The following DMRT1 variants were observed in gnomAD, a reference collection of about 807,000 sequenced individuals.
The protein encoded by DMRT1 is doublesex- and mab-3-related transcription factor 1.
Under a neutral mutation model 32.3 loss-of-function variants are expected in DMRT1, and 7 were observed. The observed-to-expected ratio is 0.22, with a 90% confidence interval of 0.12 to 0.41. The LOEUF is 0.41. Among genes scored for constraint, DMRT1 ranks in the 10% least tolerant of loss-of-function variants. DMRT1 has a pLI of 1.00. For synonymous variants in DMRT1, 278 were observed against 206.1 expected, an observed-to-expected ratio of 1.35 and a Z score of -2.99; for missense variants, 625 against 500.5, an observed-to-expected ratio of 1.25 and a Z score of -2.37.
intron 4 of DMRT1, among the ~76,000 whole-genome samples, chr9:923,152 A>G (rs565875746): frequency 1.6e-4 from 25 of 152,298 alleles, no homozygotes; most frequent in African/African-American, 5.8e-4. Context: ...TTAATGCTGC[A>G]TGTCAGACTT....
chr9:933,981 G>C (rs558270710), intron 4 of DMRT1, among the ~76,000 whole-genome samples: 1 of 150,956 alleles, frequency 6.6e-6, no homozygotes, highest in Non-Finnish European at 1.5e-5. Flanking sequence ...ACTGCTAACA[G>C]AATTAGTTGA....
chr9:861,176 T>G (rs1815647479), intron 2 of DMRT1, among the ~76,000 whole-genome samples: 1 of 150,816 alleles, frequency 6.6e-6, no homozygotes, highest in African/African-American at 2.4e-5. Context: ...TGAACAAAGG[T>G]CTCTGGTTTT....
chr9:885,351 A>C (rs1465059161), intron 2 of DMRT1, among the ~76,000 whole-genome samples: 2 of 152,190 alleles, frequency 1.3e-5, no homozygotes, highest in African/African-American at 4.8e-5. Context: ...ATGAGATCAC[A>C]TGTGGGCTTG....
At position 968,134 on chromosome 9, in the gene DMRT1, G is replaced by A. The variant is rs767168375; in HGVS notation, c.1117G>A (p.Glu373Lys). The change falls in exon 5 of 5, where the codon GAG (glutamate) becomes AAG (lysine). Residue 373 changes from glutamate to lysine, a missense_variant. By Grantham distance (56) the Glu-to-Lys change is moderately conservative. Transcript: ENST00000382276. The stretch of plus-strand genomic sequence containing the variant: ...AGTCACTCCCGTCATCGAGGAGGAC[G>A]AGTGAGCAGTGCCTGCTGCCGATGG... ...FTVTPVIEED[E>K] is the part of the protein sequence containing the mutation. The A allele has an allele frequency of 1.2e-6, 2 of 1,607,036 alleles. No individual in the cohort carries two copies. Among genetic ancestry groups the A allele is most frequent in the Admixed American group, 1.7e-5 (1 of 59,202 alleles).
intron 4 of DMRT1, among the ~76,000 whole-genome samples, chr9:960,682 G>A (rs1819743465): frequency 6.6e-6 from 1 of 152,196 alleles, no homozygotes; most frequent in African/African-American, 2.4e-5. Flanking sequence ...GGTACGAGCT[G>A]GGCTTGGCCC....
At position 847,032 on chromosome 9, in the gene DMRT1, G is replaced by A; in HGVS notation, c.427G>A (p.Ala143Thr). The A allele has an allele frequency of 6.2e-7, 1 of 1,614,120 alleles. No individual in the cohort carries two copies. Among genetic ancestry groups the A allele is most frequent in the Non-Finnish European group, 8.5e-7 (1 of 1,180,042 alleles). ...ISHPIPLPSA[A>T]ELLVKRENNG... is the part of the protein sequence containing the mutation. Reference sequence around the variant, plus strand: ...CCACCCCATCCCACTGCCCAGTGCGGCCGAGCTGCTTGTCAAAAGAGAGAA... The same window carrying A: ...CCACCCCATCCCACTGCCCAGTGCGACCGAGCTGCTTGTCAAAAGAGAGAA... Residue 143 changes from alanine to threonine, a missense_variant, in exon 2 of 5, where the codon GCC (alanine) becomes ACC (threonine). Physicochemically the swap from Ala to Thr is moderately conservative, Grantham distance 58. Transcript: ENST00000382276.
At chr9:879,277 G>A (rs1485809912) in intron 2 of DMRT1, among the ~76,000 whole-genome samples, 1 of 151,676 alleles carries the variant, frequency 6.6e-6, no homozygotes, top group Non-Finnish European at 1.5e-5. Context: ...ATACCATACT[G>A]GAAACTAAAA....
At chr9:962,649 G>A (rs1470899587) in intron 4 of DMRT1, among the ~76,000 whole-genome samples, 3 of 152,098 alleles carry the variant, frequency 2.0e-5, no homozygotes, top group South Asian at 2.1e-4. Flanking sequence ...GAGAAGGAAC[G>A]CCTGGCCGTG....
At chr9:907,266 C>T (rs930942882) in intron 3 of DMRT1, among the ~76,000 whole-genome samples, 3 of 152,146 alleles carry the variant, frequency 2.0e-5, no homozygotes, top group Non-Finnish European at 4.4e-5. Context: ...AACTCTGTTT[C>T]TTAGTTGCTT....
chr9:858,428 CT>C (rs1815497054), intron 2 of DMRT1, among the ~76,000 whole-genome samples: 1 of 152,136 alleles, frequency 6.6e-6, no homozygotes, highest in African/African-American at 2.4e-5. Flanking sequence ...TTCCTAGTTA[CT>C]TGGTGGTTTG....
chr9:890,085 GTTTTT>G (rs35228255), intron 2 of DMRT1, among the ~76,000 whole-genome samples: 2 of 103,002 alleles, frequency 1.9e-5, no homozygotes, highest in Admixed American at 1.3e-4. Flanking sequence ...CACCAAACGT[GTTTTT>G]TTTTTTTTTT....
chr9:888,458 C>T (rs1410587628), intron 2 of DMRT1, among the ~76,000 whole-genome samples: 1 of 152,132 alleles, frequency 6.6e-6, no homozygotes, highest in Non-Finnish European at 1.5e-5. Context: ...AGGCATGCAC[C>T]ACCATGCCCA....
At chr9:957,663 G>A (rs999567505) in intron 4 of DMRT1, among the ~76,000 whole-genome samples, 3 of 152,156 alleles carry the variant, frequency 2.0e-5, no homozygotes, top group East Asian at 1.9e-4. Context: ...TTTTCGATCC[G>A]TAGATGTTCT....
At chr9:875,056 C>G (rs937347333) in intron 2 of DMRT1, among the ~76,000 whole-genome samples, 1 of 151,978 alleles carries the variant, frequency 6.6e-6, no homozygotes, top group South Asian at 2.1e-4. Context: ...GTGATCCACC[C>G]ACCTCAGCCT....
chr9:905,515 G>GTGTGT, intron 3 of DMRT1, among the ~76,000 whole-genome samples: 1 of 55,298 alleles, frequency 1.8e-5, no homozygotes, highest in African/African-American at 6.8e-5. Context: ...TGTGTGTGTG[G>GTGTGT]CACTGCAGGA....
At chr9:946,100 T>G (rs999931440) in intron 4 of DMRT1, among the ~76,000 whole-genome samples, 2 of 152,114 alleles carry the variant, frequency 1.3e-5, no homozygotes, top group African/African-American at 2.4e-5. Flanking sequence ...GTTAATTTTC[T>G]TATTTATTGG....
chr9:965,282 C>G lies in DMRT1; in HGVS notation c.968-2703C>G, dbSNP rs1355101013. 6.6e-6 allele frequency among the ~76,000 whole-genome samples: 1 copy of G among 152,174 alleles called. No homozygotes were observed. The highest frequency in any genetic ancestry group is 1.5e-5 in the Non-Finnish European group (1 of 68,020). ...TTTAAAAACAATGCTAAGCCTTGAACAAATGTAAAAATAGCATGGGTTTAA... is the reference window on the plus strand; with the variant it reads ...TTTAAAAACAATGCTAAGCCTTGAAGAAATGTAAAAATAGCATGGGTTTAA... On this transcript the variant is annotated intron_variant, in intron 4 of 4. Coordinates refer to ENST00000382276, the MANE Select transcript of DMRT1 (RefSeq NM_021951.3). This position sits in a 1 kb window ranked among gnomAD's most constrained non-coding sequence, Gnocchi z 4.5.
intron 4 of DMRT1, among the ~76,000 whole-genome samples, chr9:928,549 T>C (rs1428582792): frequency 2.8e-4 from 42 of 152,146 alleles, no homozygotes; most frequent in Admixed American, 2.6e-3. Flanking sequence ...AAAGAAACAA[T>C]CACAGGTGTA....
Position 968,098 on chromosome 9 carries a change from A to G in DMRT1, c.1081A>G (p.Ser361Gly), listed in dbSNP as rs770249999. The G allele has an allele frequency of 5.6e-6, 9 of 1,614,178 alleles. No homozygotes were observed. In the Admixed American group the frequency reaches 6.7e-5, roughly 12 times the overall value. The change falls in exon 5 of 5, where the codon AGC becomes GGC. Residue 361 changes from serine to glycine, a missense_variant. Ser to Gly is a moderately conservative substitution (Grantham distance 56, BLOSUM62 0). Transcript: ENST00000382276. Reference protein sequence around the residue: ...VLECEPASEPSSFTVTPVIEE... With the variant: ...VLECEPASEPGSFTVTPVIEE... ...TGAATGTGAGCCTGCGTCGGAGCCCAGCAGCTTCACAGTCACTCCCGTCAT... is the reference window on the plus strand; with the variant it reads ...TGAATGTGAGCCTGCGTCGGAGCCCGGCAGCTTCACAGTCACTCCCGTCAT...
Sources: allele counts gnomAD v4.1 joint callset (sites outside exome capture counted in the v4.1 genomes callset), GRCh38; gene constraint gnomAD v4.1.1; non-coding constraint Gnocchi (gnomAD v3.1); transcripts MANE v1.5; gene names NCBI Gene and HGNC (gene_info 2026-07-23, HGNC 2026-07-21).